LILRB2: variants seen among roughly 807,000 people sequenced by gnomAD.
LILRB2 encodes the protein leukocyte immunoglobulin like receptor B2.
A neutral mutation model predicts 72.7 loss-of-function variants in LILRB2; 47 were observed. The ratio of observed to expected loss-of-function variants is 0.65; its 90% confidence interval spans 0.51 to 0.82. The LOEUF is 0.82. Among genes scored for constraint, LILRB2 ranks in the 40% least tolerant of loss-of-function variants. The pLI is 0.00. For synonymous variants in LILRB2, 279 were observed against 313.7 expected (o/e 0.89, Z 1.17); for missense variants, 767 against 764.8 (o/e 1.00, Z -0.03).
At chr19:54,280,238 C>T (rs766780041) in intron 3 of LILRB2, 26 bp downstream of exon 3, 2 of 1,613,646 alleles carry the variant, frequency 1.2e-6, no homozygotes, top group Non-Finnish European at 1.7e-6. Flanking sequence ...GGAGGAGGGA[C>T]CTGGGAGAGC....
chr19:54,277,989 C>T (rs4022330), intron 7 of LILRB2, 50 bp from the exon 8 acceptor site: 826,541 of 1,392,568 alleles, frequency 0.59, 251,633 homozygotes, highest in African/African-American at 0.82. Flanking sequence ...TTCCTGAAGT[C>T]TCCACCTCAA....
chr19:54,280,086 AT>A lies in LILRB2; in HGVS notation c.71-12del, dbSNP rs2080479393. On this transcript the variant is annotated splice_polypyrimidine_tract_variant and intron_variant, in intron 3 of 13. Coordinates refer to ENST00000314446, the MANE Select transcript of LILRB2 (RefSeq NM_001080978.4). ...GCTTGGGGATGGTCCCTGGAAGGAA[AT>A]CAAAGGTCAGATTCGAAGTCATTTC... The A allele has an allele frequency of 4.3e-6, 7 of 1,613,296 alleles. No individual in the cohort carries two copies. The highest frequency in any genetic ancestry group is 5.9e-6 in the Non-Finnish European group (7 of 1,179,580).
At chr19:54,275,535 T>C (rs443874) in intron 13 of LILRB2, 417,330 of 509,918 alleles carry the variant, frequency 0.82, 174,287 homozygotes, top group African/African-American at 0.9. Flanking sequence ...TCTCCCACCA[T>C]GAGGTGAGCT....
chr19:54,278,691 C>T (rs61357118), intron 6 of LILRB2, 121 bp downstream of exon 6: 87 of 1,441,942 alleles, frequency 6.0e-5, no homozygotes, highest in Non-Finnish European at 7.6e-5. Context: ...CCCTGTCTCT[C>T]TCTCTGTCTC....
At chr19:54,276,225 T>C (rs200850213) in intron 12 of LILRB2, 39 bp downstream of exon 12, 37,393 of 1,531,152 alleles carry the variant, frequency 0.024, 281 homozygotes, top group South Asian at 0.088. Flanking sequence ...TCGGGGCCCC[T>C]ATCTCCCTCC....
chr19:54,279,168 C>A, intron 5 of LILRB2, 60 bp from the exon 6 acceptor site: 6 of 1,575,484 alleles, frequency 3.8e-6, no homozygotes, highest in Non-Finnish European at 5.2e-6. Context: ...ACAAACCCTC[C>A]CTCTCCCCCG....
intron 8 of LILRB2, 110 bp from the exon 9 acceptor site, chr19:54,277,707 C>G (rs993433821): frequency 1.5e-6 from 2 of 1,378,656 alleles, no homozygotes; most frequent in African/African-American, 2.9e-5. Flanking sequence ...CCTTGACCCC[C>G]CACCCCTCAC....
intron 9 of LILRB2, chr19:54,277,337 G>T: frequency 8.3e-7 from 1 of 1,204,682 alleles, no homozygotes. Context: ...TCCCTGAGGG[G>T]CCTCCTCTCC....
chr19:54,274,308 A>G lies in LILRB2; in HGVS notation c.*375T>C. The G allele has an allele frequency of 5.1e-6, 1 of 195,984 alleles. No homozygotes were observed. The highest frequency in any genetic ancestry group is 1.3e-4 in the South Asian group (1 of 7,460). 12.1% of individuals were successfully genotyped at this position (195,984 alleles called of 1,614,324 possible). ...TTCTAAATTCCTTATACGAAAGCCA[A>G]CGTCATTCATTTCCTAGTTTTTTTT... On this transcript the variant is annotated 3_prime_UTR_variant, in exon 14 of 14. Coordinates refer to ENST00000314446, the MANE Select transcript of LILRB2 (RefSeq NM_001080978.4).
In LILRB2 at chr19:54,274,456, A is replaced by C. The variant is rs2080120416; in HGVS notation, c.*227T>G. On this transcript the variant is annotated 3_prime_UTR_variant, in exon 14 of 14. Transcript: ENST00000314446. The stretch of plus-strand genomic sequence containing the variant: ...ACTTCTGATTTTAGTTTTCTCGGTT[A>C]ACTCATTGATTATTGAGAAGTCTGT... 2 of 748,520 alleles carry C rather than the reference A, an allele frequency of 2.7e-6. No individual in the cohort carries two copies. The highest frequency in any genetic ancestry group is 4.5e-5 in the South Asian group (2 of 44,848). 46.4% of individuals were successfully genotyped at this position (748,520 alleles called of 1,614,324 possible).
chr19:54,276,222 C>G, intron 12 of LILRB2, 42 bp downstream of exon 12: 1 of 1,613,014 alleles, frequency 6.2e-7, no homozygotes, highest in Non-Finnish European at 8.5e-7. Context: ...ACTTCGGGGC[C>G]CCTATCTCCC....
rs754677506 is a variant in LILRB2 at position 54,278,285 on chromosome 19, A to G, written c.1233T>C (p.Ser411=). Residue 411 remains serine (S), a synonymous_variant, in exon 7 of 14, where the codon AGT becomes AGC. Transcript: ENST00000314446. ...NSDPYLLSHP[S]EPLELVVSGP... ...CTGAGACCACGAGCTCCAGGGGCTCACTGGGGTGAGACAGCAGGTAGGGGT... is the reference window on the plus strand; with the variant it reads ...CTGAGACCACGAGCTCCAGGGGCTCGCTGGGGTGAGACAGCAGGTAGGGGT... The G allele has an allele frequency of 5.6e-6, 9 of 1,614,046 alleles. No homozygotes were observed. The African/African-American group carries it at 9.3e-5, about 17-fold the overall frequency.
intron 7 of LILRB2, 71 bp downstream of exon 7, chr19:54,278,189 C>T: frequency 6.3e-7 from 1 of 1,585,890 alleles, no homozygotes; most frequent in Non-Finnish European, 8.6e-7. Flanking sequence ...CATCCCAGCC[C>T]AGAGCTCTCC....
intron 4 of LILRB2, 44 bp from the exon 5 acceptor site, chr19:54,279,691 C>A: frequency 6.3e-7 from 1 of 1,596,276 alleles, no homozygotes. Flanking sequence ...CTCCCACCTC[C>A]CACATCATCC....
chr19:54,278,989 C>T lies in LILRB2; in HGVS notation c.778G>A (p.Gly260Arg). ...GYDRFVLYKE[G>R]ERDLRQLPGR... ...GGGAGCTGGCGAAGGTCACGTTCCC[C>T]CTCCTTGTACAGAACAAATCTGTCA... The change falls in exon 6 of 14, where the codon GGG becomes AGG. Residue 260 changes from glycine (G) to arginine (R), a missense_variant. Transcript: ENST00000314446. 6.5e-7 allele frequency: 1 copy of T among 1,544,168 alleles called. No homozygotes were observed. The highest frequency in any genetic ancestry group is 8.8e-7 in the Non-Finnish European group (1 of 1,141,852).
chr19:54,280,869 A>G, intron 1 of LILRB2, 92 bp downstream of exon 1: 1 of 270,226 alleles, frequency 3.7e-6, no homozygotes. Context: ...TGATGAGGGT[A>G]GCAGTGGCTT....
rs368268154 is a variant in LILRB2 at position 54,279,023 on chromosome 19, A to G, written c.744T>C (p.Asp248=). Reference sequence around the variant, plus strand: ...ACAGAACAAATCTGTCATAGCCGACATCAGAGACACACTGGAGGGTCAGGC... The same window carrying G: ...ACAGAACAAATCTGTCATAGCCGACGTCAGAGACACACTGGAGGGTCAGGC... ...GESLTLQCVS[D]VGYDRFVLYK... Residue 248 remains aspartate (D), a synonymous_variant, in exon 6 of 14, where the codon GAT becomes GAC. Transcript: ENST00000314446. 4 of 1,614,190 alleles carry G rather than the reference A, an allele frequency of 2.5e-6. No homozygotes were observed. The highest frequency in any genetic ancestry group is 3.4e-6 in the Non-Finnish European group (4 of 1,180,000).
In LILRB2 at chr19:54,274,554, A is replaced by T. The variant is rs1476091026; in HGVS notation, c.*129T>A. On this transcript the variant is annotated 3_prime_UTR_variant, in exon 14 of 14. Transcript: ENST00000314446. ...TCAAGTGAGTCCCAAAGTTCCCAGC[A>T]TCTCCTCATGGTCTTTGTTAGGGGT... 2.0e-6 allele frequency: 3 copies of T among 1,506,318 alleles called. No homozygotes were observed. In the African/African-American group the frequency reaches 4.2e-5, roughly 21 times the overall value. The allele number at this position is 1,506,318 out of a possible 1,614,324, so 93.3% of individuals were successfully genotyped here.
chr19:54,276,613 T>C, intron 10 of LILRB2, 157 bp from the exon 11 acceptor site: 1 of 1,427,414 alleles, frequency 7.0e-7, no homozygotes, highest in East Asian at 2.3e-5. Context: ...ACTTTACATT[T>C]GTAGATGGGA....
Sources: allele counts gnomAD v4.1 joint callset, GRCh38; gene constraint gnomAD v4.1.1; transcripts MANE v1.5; gene names NCBI Gene and HGNC (gene_info 2026-07-23, HGNC 2026-07-21).